The following MBTD1 variants were observed in gnomAD, a reference collection of about 807,000 sequenced individuals.
The protein encoded by MBTD1 is MBT domain-containing protein 1.
A neutral mutation model predicts 87.8 loss-of-function variants in MBTD1; 24 were observed. The observed-to-expected ratio is 0.27, with a 90% confidence interval of 0.20 to 0.38. The LOEUF (loss-of-function observed/expected upper bound fraction) is 0.38, where lower values mean the gene tolerates loss of function less well. Ranked by LOEUF, MBTD1 falls within the 10% of genes least tolerant of loss-of-function variation. MBTD1 has a pLI of 1.00. For synonymous variants in MBTD1, 237 were observed against 248.6 expected, an observed-to-expected ratio of 0.95 and a Z score of 0.44; for missense variants, 436 against 760.2, an observed-to-expected ratio of 0.57 and a Z score of 5.02.
chr17:51,224,198 C>T (rs549444543), intron 3 of MBTD1, among the ~76,000 whole-genome samples: 5 of 152,268 alleles, frequency 3.3e-5, no homozygotes, highest in Non-Finnish European at 7.4e-5. Flanking sequence ...ACTTGTTACC[C>T]TACTACCACA....
At position 51,203,884 on chromosome 17, in the gene MBTD1, A is replaced by G. The variant is rs1252102515; in HGVS notation, c.646T>C (p.Ser216Pro). 1 of 1,612,794 alleles carries G rather than the reference A, an allele frequency of 6.2e-7. No homozygotes were observed. Among genetic ancestry groups the G allele is most frequent in the Non-Finnish European group, 8.5e-7 (1 of 1,179,562 alleles). ...ATATTGCACCAGAAGTCCAGACCAG[A>G]GTCATTTTCAAATCCTTCATATCTT... ...LLRYEGFEND[S>P]GLDFWCNICG... Residue 216 changes from serine (S) to proline (P), a missense_variant, in exon 8 of 17, where the codon TCT (serine) becomes CCT (proline). This residue lies in a region of MBTD1 where 268 missense variants were observed against 401.8 expected (regional missense o/e 0.67). Transcript: ENST00000586178.
At chr17:51,218,740 A>C (rs2052721996) in intron 5 of MBTD1, among the ~76,000 whole-genome samples, 190 bp downstream of exon 5, 2 of 152,292 alleles carry the variant, frequency 1.3e-5, no homozygotes, top group South Asian at 4.1e-4. Flanking sequence ...ACTTGAACTT[A>C]TGCATGCAAC....
rs3744661 is a variant in MBTD1, at chr17:51,178,613, C to G, written c.*1963G>C. ...AGTGAGCCTGAGAATAAAGACTGCT[C>G]TAACCCTTGCTTTGGAATACTTCTA... On this transcript the variant is annotated 3_prime_UTR_variant, in exon 17 of 17. Coordinates refer to ENST00000586178, the MANE Select transcript of MBTD1 (RefSeq NM_017643.3). 111,324 of 152,074 alleles carry G rather than the reference C, an allele frequency of 0.73. 42,079 individuals carry two copies. Among genetic ancestry groups the G allele is most frequent in the African/African-American group, 0.93 (38,669 of 41,532 alleles). 9.4% of individuals were successfully genotyped at this position (152,074 alleles called of 1,614,324 possible).
At chr17:51,239,087 G>A (rs928745811) in intron 2 of MBTD1, among the ~76,000 whole-genome samples, 2 of 132,008 alleles carry the variant, frequency 1.5e-5, no homozygotes, top group Non-Finnish European at 1.6e-5. Flanking sequence ...GCGACCAAGC[G>A]AGTCTCCATC....
chr17:51,237,464 TAAA>T (rs1404396658), intron 2 of MBTD1, among the ~76,000 whole-genome samples: 1 of 152,004 alleles, frequency 6.6e-6, no homozygotes, highest in Non-Finnish European at 1.5e-5. Context: ...TCTAGAAACA[TAAA>T]GAAGTATCAA....
At chr17:51,260,447 G>T, upstream of MBTD1, 1 of 905,614 alleles carries the variant, frequency 1.1e-6, no homozygotes, top group Non-Finnish European at 1.6e-6. Flanking sequence ...TAGAGGGAGG[G>T]AGTGCTGGTC....
chr17:51,254,227 T>G (rs755578406), intron 2 of MBTD1, among the ~76,000 whole-genome samples: 3 of 152,228 alleles, frequency 2.0e-5, no homozygotes, highest in Admixed American at 6.5e-5. Context: ...ATTTAGCTCC[T>G]GCAGGCCTCT....
At chr17:51,237,218 C>T (rs1204646353) in intron 2 of MBTD1, among the ~76,000 whole-genome samples, 1 of 151,046 alleles carries the variant, frequency 6.6e-6, no homozygotes, top group Non-Finnish European at 1.5e-5. Context: ...ATCGCTTAAC[C>T]CCAGGAGGCA....
intron 16 of MBTD1, among the ~76,000 whole-genome samples, chr17:51,186,929 A>G (rs1405370871): frequency 6.6e-6 from 1 of 152,212 alleles, no homozygotes; most frequent in Admixed American, 6.5e-5. Flanking sequence ...CATAGCTCAT[A>G]TAAGCCCAAA....
intron 2 of MBTD1, among the ~76,000 whole-genome samples, chr17:51,236,052 T>C (rs1012849284): frequency 5.3e-5 from 8 of 152,160 alleles, no homozygotes; most frequent in Admixed American, 1.3e-4. Context: ...TATGGGTCTA[T>C]ATATAGATAT....
intron 2 of MBTD1, among the ~76,000 whole-genome samples, chr17:51,225,441 T>TC (rs1480581827): frequency 6.6e-6 from 1 of 151,202 alleles, no homozygotes; most frequent in African/African-American, 2.4e-5. Flanking sequence ...AACCTCCACC[T>TC]CCCGCACTCA....
At chr17:51,235,548 T>C (rs180874257) in intron 2 of MBTD1, among the ~76,000 whole-genome samples, 1 of 152,192 alleles carries the variant, frequency 6.6e-6, no homozygotes, top group Admixed American at 6.5e-5. Flanking sequence ...AATTCAACAT[T>C]TGAAAATCAA....
intron 2 of MBTD1, among the ~76,000 whole-genome samples, chr17:51,240,023 T>C (rs1245251456): frequency 6.6e-6 from 1 of 152,218 alleles, no homozygotes; most frequent in Non-Finnish European, 1.5e-5. Context: ...TAGTCTTTAA[T>C]CTAGAGGGAG....
intron 2 of MBTD1, among the ~76,000 whole-genome samples, chr17:51,242,926 T>C (rs191904643): frequency 3.3e-5 from 5 of 152,344 alleles, no homozygotes; most frequent in Admixed American, 2.6e-4. Flanking sequence ...ATCTTCCTTA[T>C]TCTTCTTGCA....
chr17:51,228,770 G>A (rs928121354), intron 2 of MBTD1, among the ~76,000 whole-genome samples: 3 of 151,672 alleles, frequency 2.0e-5, no homozygotes, highest in Non-Finnish European at 4.4e-5. Flanking sequence ...AGTGGTAGGC[G>A]CCCGTAATCC....
At chr17:51,183,611 A>AT (rs1455429610) in intron 16 of MBTD1, 1 of 152,242 alleles carries the variant, frequency 6.6e-6, no homozygotes, top group African/African-American at 2.4e-5. Flanking sequence ...TAATCATAGC[A>AT]AACACCCATC....
intron 4 of MBTD1, 99 bp from the exon 5 acceptor site, chr17:51,219,143 T>G (rs1166704234): frequency 1.7e-5 from 11 of 633,470 alleles, no homozygotes; most frequent in Non-Finnish European, 3.2e-5. Context: ...AAGTAAACAT[T>G]GAGGGTTTAG....
At chr17:51,252,181 A>G (rs1181917942) in intron 2 of MBTD1, among the ~76,000 whole-genome samples, 1 of 152,200 alleles carries the variant, frequency 6.6e-6, no homozygotes, top group Non-Finnish European at 1.5e-5. Flanking sequence ...TTTAAACCTT[A>G]TGAGTGTCAC....
Position 51,180,602 on chromosome 17 carries a change from T to C in MBTD1, c.1861A>G (p.Asn621Asp). 1 of 1,549,904 alleles carries C rather than the reference T, an allele frequency of 6.5e-7. No individual in the cohort carries two copies. The highest frequency in any genetic ancestry group is 1.2e-5 in the South Asian group (1 of 83,970). Reference sequence around the variant, plus strand: ...CATGGCTCTTGTTTGATGTAGAAGTTGGCAGAGCCATTGCTTTCCTGATCA... The same window carrying C: ...CATGGCTCTTGTTTGATGTAGAAGTCGGCAGAGCCATTGCTTTCCTGATCA... ...ASDQESNGSA[N>D]FYIKQEP Residue 621 changes from asparagine to aspartate, a missense_variant, in exon 17 of 17, where the codon AAC becomes GAC. Transcript: ENST00000586178.
Sources: gnomAD v4.1 joint callset for allele counts (sites outside exome capture counted in the v4.1 genomes callset) on GRCh38, gnomAD v4.1.1 for gene constraint, gnomAD v4.1.1 regional missense constraint, MANE v1.5 for transcripts, NCBI Gene and HGNC (gene_info 2026-07-23, HGNC 2026-07-21) for gene names.